The following IDE variants were observed in gnomAD, a reference collection of about 807,000 sequenced individuals.
The protein encoded by IDE is insulin degrading enzyme.
Under a neutral mutation model 133.2 loss-of-function variants are expected in IDE, and 58 were observed. The ratio of observed to expected loss-of-function variants is 0.44; its 90% CI spans 0.35 to 0.54. The LOEUF is 0.54. Ranked by LOEUF, IDE falls within the 20% of genes least tolerant of loss-of-function variation. The pLI, the probability that IDE is intolerant of heterozygous loss-of-function variation, is 0.00. For synonymous variants in IDE, 396 were observed against 421.3 expected (o/e 0.94, Z 0.73); for missense variants, 981 against 1,234.0 (o/e 0.79, Z 3.07).
intron 13 of IDE, among the ~76,000 whole-genome samples, chr10:92,484,205 G>A (rs564213759): frequency 4.7e-4 from 72 of 152,252 alleles, no homozygotes; most frequent in African/African-American, 1.6e-3. Flanking sequence ...GAGGCCGGGA[G>A]TTCGAGACCA....
Position 92,536,469 on chromosome 10 carries a change from C to T in IDE, c.283+897G>A, listed in dbSNP as rs188828928. 7.6e-3 allele frequency among the ~76,000 whole-genome samples: 1,140 copies of T among 150,550 alleles called. 16 individuals carry two copies. The highest frequency in any genetic ancestry group is 0.027 in the African/African-American group (1,089 of 40,892). Reference sequence around the variant, plus strand: ...ATCCCTGCACTTTGGGAGGCCGAGGCGGGCAGATCACCTGAGGTCAGGAGT... The same window carrying T: ...ATCCCTGCACTTTGGGAGGCCGAGGTGGGCAGATCACCTGAGGTCAGGAGT... On this transcript the variant is annotated intron_variant, in intron 2 of 24. Coordinates refer to ENST00000265986, the MANE Select transcript of IDE (RefSeq NM_004969.4).
intron 1 of IDE, among the ~76,000 whole-genome samples, chr10:92,553,039 A>G (rs1456366686): frequency 6.6e-6 from 1 of 152,032 alleles, no homozygotes; most frequent in Non-Finnish European, 1.5e-5. Context: ...AGCCATAATA[A>G]TTTGAGCAAC....
intron 11 of IDE, among the ~76,000 whole-genome samples, chr10:92,499,604 C>A (rs1847901272): frequency 6.6e-6 from 1 of 151,782 alleles, no homozygotes; most frequent in Non-Finnish European, 1.5e-5. Context: ...TGCTAATTTG[C>A]ATACTTTTTT....
At position 92,552,781 on chromosome 10, in the gene IDE, C is replaced by T. The variant is rs182623693; in HGVS notation, c.99-15231G>A. Reference sequence around the variant, plus strand: ...GCTGAGGCAGGAGAATTGCTTGAACCTGGGAGGCAGAGATTGCAATGAGCC... The same window carrying T: ...GCTGAGGCAGGAGAATTGCTTGAACTTGGGAGGCAGAGATTGCAATGAGCC... On this transcript the variant is annotated intron_variant, in intron 1 of 24. Coordinates refer to ENST00000265986, the MANE Select transcript of IDE (RefSeq NM_004969.4). Among the ~76,000 whole-genome samples, 1,073 of 136,690 alleles carry T rather than the reference C, an allele frequency of 7.8e-3. 12 individuals carry two copies. Among genetic ancestry groups the T allele is most frequent in the African/African-American group, 0.028 (1,026 of 37,002 alleles). 89.7% of individuals were successfully genotyped at this position (136,690 alleles called of 152,430 possible).
rs1452177801 is a variant in IDE at position 92,456,365 on chromosome 10, C to T, written c.2890G>A (p.Asp964Asn). The T allele has an allele frequency of 6.2e-7, 1 of 1,611,882 alleles. No homozygotes were observed. Among genetic ancestry groups the T allele is most frequent in the South Asian group, 1.1e-5 (1 of 91,054 alleles). Residue 964 changes from aspartate (D) to asparagine (N), a missense_variant, in exon 23 of 25, where the codon GAT becomes AAT. This residue lies in a region of IDE where 660 missense variants were observed against 894.7 expected (regional missense o/e 0.74). Transcript: ENST00000265986. Reference sequence around the variant, plus strand: ...GGCAACATTTGATACTTACAAGAATCCATTTCCCTGGCAAGAACATGGACG... The same window carrying T: ...GGCAACATTTGATACTTACAAGAATTCATTTCCCTGGCAAGAACATGGACG... ...VSVHVLAREM[D>N]SCPVVGEFPC...
intron 1 of IDE, chr10:92,573,324 A>T: frequency 3.7e-6 from 1 of 268,212 alleles, no homozygotes; most frequent in Non-Finnish European, 5.7e-6. Flanking sequence ...GCTGCTGTAG[A>T]GGATCCCGAG....
intron 12 of IDE, among the ~76,000 whole-genome samples, chr10:92,489,193 A>T (rs1419506069): frequency 1.3e-5 from 2 of 152,182 alleles, no homozygotes; most frequent in Non-Finnish European, 2.9e-5. Context: ...GAACAGCTGA[A>T]TACTAGGGAC....
chr10:92,511,196 G>C (rs1481968392), intron 5 of IDE, among the ~76,000 whole-genome samples: 2 of 150,430 alleles, frequency 1.3e-5, no homozygotes, highest in Non-Finnish European at 2.9e-5. Context: ...CTGCCTCCCA[G>C]GTTCAAGTGA....
chr10:92,456,314 C>G (rs755635595), intron 23 of IDE, 45 bp downstream of exon 23: 1 of 1,348,562 alleles, frequency 7.4e-7, no homozygotes. Context: ...GGCCAACCAT[C>G]AGATGGCTCA....
intron 3 of IDE, among the ~76,000 whole-genome samples, chr10:92,534,123 G>A (rs567759452): frequency 2.0e-5 from 3 of 151,668 alleles, no homozygotes; most frequent in Admixed American, 6.6e-5. Context: ...AAATTAAATC[G>A]GCCTAATGGA....
chr10:92,500,115 T>G (rs375362365), intron 11 of IDE, among the ~76,000 whole-genome samples: 1 of 152,012 alleles, frequency 6.6e-6, no homozygotes, highest in Non-Finnish European at 1.5e-5. Flanking sequence ...CTGACCAACA[T>G]GGAGAAACCC....
chr10:92,496,056 G>A (rs1242843537), intron 11 of IDE, among the ~76,000 whole-genome samples: 2 of 151,678 alleles, frequency 1.3e-5, no homozygotes, highest in East Asian at 2.0e-4. Flanking sequence ...TGTATTTTTA[G>A]TAGAGATGGG....
chr10:92,552,856 T>TAAAAAAAA (rs1842844887), intron 1 of IDE, among the ~76,000 whole-genome samples: 1 of 8,344 alleles, frequency 1.2e-4, no homozygotes, highest in Admixed American at 9.2e-4. Flanking sequence ...AGACTCAGTC[T>TAAAAAAAA]CAAAAAAAAA....
intron 10 of IDE, among the ~76,000 whole-genome samples, chr10:92,505,167 C>T (rs1185934494): frequency 1.3e-5 from 2 of 152,108 alleles, no homozygotes; most frequent in Non-Finnish European, 2.9e-5. Flanking sequence ...ACATTTCTTT[C>T]GGGGAAAACC....
intron 22 of IDE, among the ~76,000 whole-genome samples, chr10:92,459,686 G>A (rs1470706032): frequency 6.6e-6 from 1 of 151,946 alleles, no homozygotes; most frequent in Non-Finnish European, 1.5e-5. Flanking sequence ...TAACACTTTA[G>A]GTGCAATTCC....
At position 92,507,676 on chromosome 10, in the gene IDE, A is replaced by T. The variant is rs1253365950; in HGVS notation, c.1154-10T>A. 6.9e-7 allele frequency: 1 copy of T among 1,439,220 alleles called. No individual in the cohort carries two copies. 89.2% of individuals were successfully genotyped at this position (1,439,220 alleles called of 1,614,324 possible). ...ATATCTTCAACATGTACTGGAAAAA[A>T]GGGGCACACTTAAAAACCATTCAGT... On this transcript the variant is annotated splice_polypyrimidine_tract_variant and intron_variant, in intron 8 of 24. Coordinates refer to ENST00000265986, the MANE Select transcript of IDE (RefSeq NM_004969.4).
chr10:92,542,075 C>T (rs1405106931), intron 1 of IDE, among the ~76,000 whole-genome samples: 1 of 152,232 alleles, frequency 6.6e-6, no homozygotes, highest in African/African-American at 2.4e-5. Context: ...AGGCATCACA[C>T]TATGCAAATG....
intron 1 of IDE, among the ~76,000 whole-genome samples, chr10:92,548,220 C>T (rs575156236): frequency 2.0e-5 from 3 of 151,984 alleles, no homozygotes; most frequent in African/African-American, 7.2e-5. Flanking sequence ...ATTAGCCAGG[C>T]GTGGTGTCAG....
intron 1 of IDE, 46 bp downstream of exon 1, chr10:92,573,876 C>A (rs2135871143): frequency 1.5e-6 from 2 of 1,333,776 alleles, no homozygotes; most frequent in Non-Finnish European, 2.0e-6. Flanking sequence ...CGCCAAACCG[C>A]TGTGACCCAC....
Sources: allele counts gnomAD v4.1 joint callset (sites outside exome capture counted in the v4.1 genomes callset), GRCh38; gene constraint gnomAD v4.1.1; regional missense constraint gnomAD v4.1.1; transcripts MANE v1.5; gene names NCBI Gene and HGNC (gene_info 2026-07-23, HGNC 2026-07-21).